Variants in NRG3 observed in about 807,000 individuals in gnomAD.
The protein encoded by NRG3 is pro-neuregulin-3, membrane-bound isoform.
NRG3 carries 31 observed loss-of-function variants against 66.9 expected under a neutral mutation model. The observed-to-expected ratio is 0.46, with a 90% CI of 0.35 to 0.63. The LOEUF (loss-of-function observed/expected upper bound fraction) is 0.63, where lower values mean the gene tolerates loss of function less well. Ranked by LOEUF, NRG3 falls within the 20% of genes least tolerant of loss-of-function variation. NRG3 has a pLI of 0.00. For synonymous variants in NRG3, 393 were observed against 359.4 expected, an observed-to-expected ratio of 1.09 and a Z score of -1.06; for missense variants, 910 against 878.9, an observed-to-expected ratio of 1.04 and a Z score of -0.45.
At chr10:82,036,510 T>C (rs1260417985) in intron 1 of NRG3, among the ~76,000 whole-genome samples, 4 of 152,168 alleles carry the variant, frequency 2.6e-5, no homozygotes, top group African/African-American at 9.6e-5. Context: ...TTAGCCCTTA[T>C]GATTCAAAGC....
At chr10:82,522,327 G>T (rs1846273126) in intron 2 of NRG3, among the ~76,000 whole-genome samples, 1 of 152,134 alleles carries the variant, frequency 6.6e-6, no homozygotes. Context: ...TTACAGGCAT[G>T]AGCCACTGCG....
In NRG3 at chr10:82,979,805, T is replaced by C. The variant is rs558603024; in HGVS notation, c.1583+685T>C. On this transcript the variant is annotated intron_variant, in intron 8 of 8. Transcript: ENST00000372141. ...ATAAACTGCCCAACTAAACATGCGA[T>C]CCTTGCTTAAACTGACTGGAATTCA... Among the ~76,000 whole-genome samples, 7 of 152,294 alleles carry C rather than the reference T, an allele frequency of 4.6e-5. No individual in the cohort carries two copies. In the East Asian group the frequency reaches 1.4e-3, roughly 29 times the overall value.
chr10:82,389,464 T>C (rs1456378919), intron 2 of NRG3, among the ~76,000 whole-genome samples: 1 of 152,166 alleles, frequency 6.6e-6, no homozygotes, highest in Non-Finnish European at 1.5e-5. Context: ...ATTACTCTCA[T>C]TTATTCTTCA....
At chr10:82,308,557 AT>A (rs1835631310) in intron 1 of NRG3, among the ~76,000 whole-genome samples, 1 of 152,172 alleles carries the variant, frequency 6.6e-6, no homozygotes, top group Admixed American at 6.5e-5. Context: ...GATTTTGTGT[AT>A]ATTAACATTG....
chr10:82,691,626 C>T (rs547915324), intron 2 of NRG3, among the ~76,000 whole-genome samples: 1 of 152,160 alleles, frequency 6.6e-6, no homozygotes, highest in Non-Finnish European at 1.5e-5. Flanking sequence ...TGAAGGACAA[C>T]GATCTCTCCA....
chr10:82,779,729 T>A (rs372608360), intron 3 of NRG3, among the ~76,000 whole-genome samples: 61 of 142,534 alleles, frequency 4.3e-4, no homozygotes, highest in African/African-American at 1.8e-3. Context: ...TTTTCTATTC[T>A]TTTTTTTTAT....
chr10:82,240,400 C>T (rs2076957015), intron 1 of NRG3, among the ~76,000 whole-genome samples: 1 of 151,902 alleles, frequency 6.6e-6, no homozygotes, highest in Non-Finnish European at 1.5e-5. Context: ...TTTATTATAG[C>T]ATTATATGAT....
chr10:82,728,005 G>T (rs1000010316), intron 2 of NRG3, among the ~76,000 whole-genome samples: 1 of 152,038 alleles, frequency 6.6e-6, no homozygotes, highest in Admixed American at 6.6e-5. Context: ...CCTTCATTTT[G>T]GCCAATTTCT....
rs139438548 is a variant in NRG3 at position 82,832,804 on chromosome 10, TTG to T, written c.1028-32577_1028-32576del. Among the ~76,000 whole-genome samples, 959 of 147,652 alleles carry T rather than the reference TTG, an allele frequency of 6.5e-3. 2 individuals carry two copies. The highest frequency in any genetic ancestry group is 0.021 in the East Asian group (105 of 4,968). On this transcript the variant is annotated intron_variant, in intron 3 of 8. Coordinates refer to ENST00000372141, the MANE Select transcript of NRG3 (RefSeq NM_001010848.4). ...ACAGACAGAAGAGGTATGCATGTAA[TTG>T]TGTGTGTGTGTGTGTGTGTGTGTGT...
intron 2 of NRG3, among the ~76,000 whole-genome samples, chr10:82,411,144 G>C (rs2088051438): frequency 6.6e-6 from 1 of 152,074 alleles, no homozygotes; most frequent in Non-Finnish European, 1.5e-5. Flanking sequence ...TCGAACTCCT[G>C]ACCTCAGGTG....
chr10:82,344,396 T>A (rs1394331001), intron 1 of NRG3, among the ~76,000 whole-genome samples: 4 of 150,902 alleles, frequency 2.7e-5, no homozygotes, highest in Non-Finnish European at 4.4e-5. Flanking sequence ...CATGAACTCA[T>A]CATTTTTTAC....
chr10:82,872,461 T>C (rs1841426279), intron 4 of NRG3, among the ~76,000 whole-genome samples: 1 of 152,144 alleles, frequency 6.6e-6, no homozygotes, highest in South Asian at 2.1e-4. Flanking sequence ...GTGAGCTTAC[T>C]GATCAGTCTC....
At chr10:82,605,440 C>T (rs1041387064) in intron 2 of NRG3, among the ~76,000 whole-genome samples, 8 of 151,916 alleles carry the variant, frequency 5.3e-5, no homozygotes, top group African/African-American at 1.7e-4. Flanking sequence ...CACTTGTTTG[C>T]GGTATAGAAT....
chr10:82,124,494 T>G (rs1158791380), intron 1 of NRG3, among the ~76,000 whole-genome samples: 1 of 151,878 alleles, frequency 6.6e-6, no homozygotes, highest in African/African-American at 2.4e-5. Context: ...ACACTGCATG[T>G]TCTCACTCGT....
rs773921678 is a variant in NRG3 at position 81,875,939 on chromosome 10, T to A, written c.599T>A (p.Phe200Tyr). 4.3e-6 allele frequency: 7 copies of A among 1,613,772 alleles called. No individual in the cohort carries two copies. The highest frequency in any genetic ancestry group is 5.9e-6 in the Non-Finnish European group (7 of 1,180,010). Residue 200 changes from phenylalanine (F) to tyrosine (Y), a missense_variant, in exon 1 of 9, where the codon TTC becomes TAC. Coordinates refer to ENST00000372141, the MANE Select transcript of NRG3 (RefSeq NM_001010848.4). This position sits in a 1 kb window ranked among gnomAD's most constrained non-coding sequence, Gnocchi z 5.3. ...ACGGTCCCGTCCACCACGGCCCCGT[T>A]CTTCAGTAGCAGCACGCTGGGCTCC... ...PATVPSTTAP[F>Y]FSSSTLGSRP...
intron 2 of NRG3, among the ~76,000 whole-genome samples, chr10:82,432,810 G>A (rs1355040183): frequency 2.6e-5 from 4 of 152,070 alleles, no homozygotes; most frequent in Admixed American, 2.6e-4. Flanking sequence ...CCTTTTTATG[G>A]CAGTATAGTG....
At chr10:82,916,739 C>A (rs1023115769) in intron 4 of NRG3, among the ~76,000 whole-genome samples, 2 of 152,024 alleles carry the variant, frequency 1.3e-5, no homozygotes, top group Admixed American at 1.3e-4. Flanking sequence ...CTTCAGCCTC[C>A]CCAGTACCTA....
chr10:82,055,262 G>A (rs1305286793), intron 1 of NRG3, among the ~76,000 whole-genome samples: 1 of 151,844 alleles, frequency 6.6e-6, no homozygotes, highest in Non-Finnish European at 1.5e-5. Context: ...GCAGATCGAG[G>A]TCAGGAGATC....
intron 2 of NRG3, among the ~76,000 whole-genome samples, chr10:82,672,100 T>G (rs1036061304): frequency 2.0e-5 from 3 of 152,198 alleles, no homozygotes; most frequent in Non-Finnish European, 4.4e-5. Context: ...AAATTTGCTT[T>G]TTTAAGAAAG....
Sources: gnomAD v4.1 joint callset for allele counts (sites outside exome capture counted in the v4.1 genomes callset) on GRCh38, gnomAD v4.1.1 for gene constraint, Gnocchi (gnomAD v3.1) non-coding constraint, MANE v1.5 for transcripts, NCBI Gene and HGNC (gene_info 2026-07-23, HGNC 2026-07-21) for gene names.